PCSK9: variants seen among roughly 807,000 people sequenced by gnomAD.
The protein encoded by PCSK9 is convertase subtilisin/kexin type 9 preproprotein.
In PCSK9, 57 loss-of-function variants were observed where a neutral mutation model predicts 62.1. The observed-to-expected ratio is 0.92, with a 90% CI of 0.74 to 1.14. The LOEUF is 1.14. Among genes scored for constraint, PCSK9 ranks in the 50% most tolerant of loss-of-function variants. The pLI is 0.00. For synonymous variants in PCSK9, 387 were observed against 409.4 expected (o/e 0.95, Z 0.66); for missense variants, 870 against 959.8 (o/e 0.91, Z 1.24).
chr1:55,044,161 T>G, intron 2 of PCSK9, 127 bp downstream of exon 2: 1 of 1,125,336 alleles, frequency 8.9e-7, no homozygotes, highest in Admixed American at 2.0e-5. Context: ...ATTGAGCACT[T>G]ATCGGGTACC....
intron 3 of PCSK9, 149 bp downstream of exon 3, chr1:55,046,795 C>T: frequency 1.2e-6 from 1 of 847,718 alleles, no homozygotes; most frequent in South Asian, 1.7e-5. Context: ...TGTCCCATCC[C>T]CATCCCCTGC....
chr1:55,041,242 G>A (rs1644596373), intron 1 of PCSK9, among the ~76,000 whole-genome samples: 1 of 152,124 alleles, frequency 6.6e-6, no homozygotes, highest in Non-Finnish European at 1.5e-5. Flanking sequence ...ACAGCTCCTG[G>A]GGCAGAGGGG....
At chr1:55,049,528 C>T (rs987456613) in intron 3 of PCSK9, among the ~76,000 whole-genome samples, 2 of 152,230 alleles carry the variant, frequency 1.3e-5, no homozygotes, top group Non-Finnish European at 2.9e-5. Context: ...CTTCTTGAGG[C>T]CACCTTGCCA....
In PCSK9 at chr1:55,064,713, G is replaced by A. The variant is rs1178083507; in HGVS notation, c.*1129G>A. 6.6e-6 allele frequency: 1 copy of A among 152,178 alleles called. No individual in the cohort carries two copies. The highest frequency in any genetic ancestry group is 2.4e-5 in the African/African-American group (1 of 41,418). 9.4% of individuals were successfully genotyped at this position (152,178 alleles called of 1,614,324 possible). ...AAGCAGACATTTATCTTTTGGGTCTGTCCTCTCTGTTGCCTTTTTACAGCC... is the reference window on the plus strand; with the variant it reads ...AAGCAGACATTTATCTTTTGGGTCTATCCTCTCTGTTGCCTTTTTACAGCC... On this transcript the variant is annotated 3_prime_UTR_variant, in exon 12 of 12. Coordinates refer to ENST00000302118, the MANE Select transcript of PCSK9 (RefSeq NM_174936.4).
chr1:55,039,849 C>T lies in PCSK9; in HGVS notation c.12C>T (p.Val4=). 6.4e-7 allele frequency: 1 copy of T among 1,565,480 alleles called. No homozygotes were observed. MGT[V]SSRRSWWPLP... ...CTCCCCTGGCCCTCATGGGCACCGT[C>T]AGCTCCAGGCGGTCCTGGTGGCCGC... is the stretch of plus-strand genomic sequence containing the variant. Residue 4 remains valine, a synonymous_variant, in exon 1 of 12, where the codon GTC becomes GTT. Transcript: ENST00000302118.
At chr1:55,043,241 C>T (rs1421176506) in intron 1 of PCSK9, among the ~76,000 whole-genome samples, 1 of 152,226 alleles carries the variant, frequency 6.6e-6, no homozygotes, top group Non-Finnish European at 1.5e-5. Flanking sequence ...TGCCTTTGCT[C>T]ACTTAGTCAT....
intron 3 of PCSK9, 108 bp from the exon 4 acceptor site, chr1:55,052,170 A>T: frequency 6.9e-7 from 1 of 1,454,846 alleles, no homozygotes; most frequent in Non-Finnish European, 9.6e-7. Context: ...GAATATATTT[A>T]AGGCGCTTTC....
Position 55,059,080 on chromosome 1 carries a change from C to T in PCSK9, c.1504-406C>T, listed in dbSNP as rs148227180. Among the ~76,000 whole-genome samples, 381 of 152,330 alleles carry T rather than the reference C, an allele frequency of 2.5e-3. 2 individuals are homozygous for T. Among genetic ancestry groups the T allele is most frequent in the African/African-American group, 8.3e-3 (347 of 41,572 alleles). Reference sequence around the variant, plus strand: ...GATGTTGATGCTACAGGATAGTGCACAGATGCCATCTGGTTGCAGCATTTT... The same window carrying T: ...GATGTTGATGCTACAGGATAGTGCATAGATGCCATCTGGTTGCAGCATTTT... On this transcript the variant is annotated intron_variant, in intron 9 of 11. Coordinates refer to ENST00000302118, the MANE Select transcript of PCSK9 (RefSeq NM_174936.4).
At position 55,040,068 on chromosome 1, in the gene PCSK9, CG is replaced by C; in HGVS notation, c.207+28del. ...AGGTGCGGGTGTAGGGATGGGAGGC[CG>C]GGGCGAACCCGCAGCCGGGACGGTG... On this transcript the variant is annotated intron_variant, in intron 1 of 11. Coordinates refer to ENST00000302118, the MANE Select transcript of PCSK9 (RefSeq NM_174936.4). The surrounding 1 kb of genome is among the most constrained non-coding windows in gnomAD (Gnocchi z 4.1). 1 of 1,548,560 alleles carries C rather than the reference CG, an allele frequency of 6.5e-7. No individual in the cohort carries two copies. The highest frequency in any genetic ancestry group is 8.7e-7 in the Non-Finnish European group (1 of 1,146,236).
Position 55,064,842 on chromosome 1 carries a change from C to T in PCSK9, c.*1258C>T, listed in dbSNP as rs778769653. The T allele has an allele frequency of 9.2e-5, 14 of 152,150 alleles. No homozygotes were observed. Among genetic ancestry groups the T allele is most frequent in the Non-Finnish European group, 1.5e-4 (10 of 68,026 alleles). 9.4% of individuals were successfully genotyped at this position (152,150 alleles called of 1,614,324 possible). A position where few individuals can be genotyped will look rare whatever the true frequency, so the allele number is the denominator to read the frequency against. On this transcript the variant is annotated 3_prime_UTR_variant, in exon 12 of 12. Transcript: ENST00000302118. ...ACTTTTTAAAATAAAAACAAACAAACGTTGTCCTAACTCTTGCATAGACTT... is the reference window on the plus strand; with the variant it reads ...ACTTTTTAAAATAAAAACAAACAAATGTTGTCCTAACTCTTGCATAGACTT...
Position 55,061,434 on chromosome 1 carries a change from C to T in PCSK9, c.1741C>T (p.Pro581Ser). The T allele has an allele frequency of 6.2e-7, 1 of 1,610,444 alleles. No homozygotes were observed. ...CACCCACAAGCCGCCTGTGCTGAGG[C>T]CACGAGGTCAGCCCAACCAGTGCGT... is the stretch of plus-strand genomic sequence containing the variant. Reference protein sequence around the residue: ...LGTHKPPVLRPRGQPNQCVGH... With the variant: ...LGTHKPPVLRSRGQPNQCVGH... The change falls in exon 11 of 12, where the codon CCA becomes TCA. Residue 581 changes from proline (P) to serine (S), a missense_variant. Pro to Ser is a moderately conservative substitution (Grantham distance 74, BLOSUM62 -1). Coordinates refer to ENST00000302118, the MANE Select transcript of PCSK9 (RefSeq NM_174936.4).
chr1:55,045,495 G>C (rs1309091183), intron 2 of PCSK9, among the ~76,000 whole-genome samples: 1 of 152,182 alleles, frequency 6.6e-6, no homozygotes, highest in Non-Finnish European at 1.5e-5. Flanking sequence ...AGCCTCTGGG[G>C]ATACGAAGGC....
At chr1:55,043,405 T>G (rs989566730) in intron 1 of PCSK9, among the ~76,000 whole-genome samples, 1 of 152,182 alleles carries the variant, frequency 6.6e-6, no homozygotes, top group Non-Finnish European at 1.5e-5. Context: ...TGCTCATGGC[T>G]GCACAACCAG....
chr1:55,058,183 C>T lies in PCSK9; in HGVS notation c.1328C>T (p.Ala443Val). The change falls in exon 8 of 12, where the codon GCC becomes GTC. Residue 443 changes from alanine (A) to valine (V), a missense_variant. Ala to Val is a moderately conservative substitution (Grantham distance 64). Transcript: ENST00000302118. ...QRVLTPNLVA[A>V]LPPSTHGAGW... ...GTACTGACCCCCAACCTGGTGGCCG[C>T]CCTGCCCCCCAGCACCCATGGGGCA... 2 of 1,613,306 alleles carry T rather than the reference C, an allele frequency of 1.2e-6. No individual in the cohort carries two copies. Among genetic ancestry groups the T allele is most frequent in the Non-Finnish European group, 8.5e-7 (1 of 1,179,990 alleles).
chr1:55,059,151 T>C (rs1644740470), intron 9 of PCSK9, among the ~76,000 whole-genome samples: 1 of 152,202 alleles, frequency 6.6e-6, no homozygotes, highest in South Asian at 2.1e-4. Flanking sequence ...GGGGCAGGCA[T>C]TTCTGGCTTG....
At chr1:55,058,977 C>T (rs571280242) in intron 9 of PCSK9, among the ~76,000 whole-genome samples, 1 of 152,342 alleles carries the variant, frequency 6.6e-6, no homozygotes, top group Non-Finnish European at 1.5e-5. Context: ...TGGACTCAGC[C>T]ATCTCTAGGC....
At chr1:55,050,981 C>T (rs998669759) in intron 3 of PCSK9, 24 of 373,222 alleles carry the variant, frequency 6.4e-5, no homozygotes, top group African/African-American at 1.7e-4. Flanking sequence ...GGAGGGGCCA[C>T]GTGGAGACAG....
Position 55,040,013 on chromosome 1 carries a change from G to C in PCSK9, c.176G>C (p.Gly59Ala). 4 of 1,575,962 alleles carry C rather than the reference G, an allele frequency of 2.5e-6. No individual in the cohort carries two copies. The highest frequency in any genetic ancestry group is 3.4e-6 in the Non-Finnish European group (4 of 1,161,470). Reference protein sequence around the residue: ...EDGLAEAPEHGTTATFHRCAK... With the variant: ...EDGLAEAPEHATTATFHRCAK... ...GGCCTGGCCGAAGCACCCGAGCACG[G>C]AACCACAGCCACCTTCCACCGCTGC... Residue 59 changes from glycine to alanine, a missense_variant, in exon 1 of 12, where the codon GGA (glycine) becomes GCA (alanine). Coordinates refer to ENST00000302118, the MANE Select transcript of PCSK9 (RefSeq NM_174936.4). This position sits in a 1 kb window ranked among gnomAD's most constrained non-coding sequence, Gnocchi z 4.1.
At chr1:55,056,876 C>G (rs901471529) in intron 6 of PCSK9, among the ~76,000 whole-genome samples, 1 of 152,124 alleles carries the variant, frequency 6.6e-6, no homozygotes, top group African/African-American at 2.4e-5. Flanking sequence ...CGTGCGCGCG[C>G]GCGCGTTGGG....
Sources: allele counts gnomAD v4.1 joint callset (sites outside exome capture counted in the v4.1 genomes callset), GRCh38; gene constraint gnomAD v4.1.1; non-coding constraint Gnocchi (gnomAD v3.1); transcripts MANE v1.5; gene names NCBI Gene and HGNC (gene_info 2026-07-23, HGNC 2026-07-21).